Variants in ATM observed in about 807,000 individuals in gnomAD.
ATM encodes the protein ATM serine/threonine kinase.
Under a neutral mutation model 387.0 loss-of-function variants are expected in ATM, and 308 were observed. The ratio of observed to expected loss-of-function variants is 0.80; its 90% CI spans 0.73 to 0.87. The LOEUF is 0.87. ATM is among the 40% of genes least tolerant of loss of function. The probability of loss-of-function intolerance (pLI) is 0.00; values close to 1 mark genes in which losing one functional copy is unlikely to be tolerated. For missense variants in ATM, 3,312 were observed against 3,560.9 expected (o/e 0.93, Z 1.78); for synonymous variants, 1,156 against 1,187.3 (o/e 0.97, Z 0.54).
chr11:108,354,082 C>CACACACAT lies in ATM; in HGVS notation c.8786+209_8786+210insTACACACA, dbSNP rs1555143117. 2.7e-5 allele frequency among the ~76,000 whole-genome samples: 4 copies of CACACACAT among 150,410 alleles called. No individual in the cohort carries two copies. The East Asian group carries it at 7.7e-4, about 29-fold the overall frequency. ...ATACACACACACAAACACACACACACACACACACACACACACACACACACG... is the reference window on the plus strand; with the variant it reads ...ATACACACACACAAACACACACACACACACACATACACACACACACACACACACACACG... On this transcript the variant is annotated intron_variant, in intron 60 of 62. Coordinates refer to ENST00000675843, the MANE Select transcript of ATM (RefSeq NM_000051.4).
chr11:108,353,999 T>C, intron 60 of ATM, 119 bp downstream of exon 60: 1 of 1,018,958 alleles, frequency 9.8e-7, no homozygotes, highest in Non-Finnish European at 1.5e-6. Context: ...GAGGATTGTT[T>C]GAGCCCAGGA....
At position 108,235,782 on chromosome 11, in the gene ATM, C is replaced by T. The variant is rs1366705330; in HGVS notation, c.444C>T (p.Asp148=). 6.2e-7 allele frequency: 1 copy of T among 1,613,640 alleles called. No homozygotes were observed. The highest frequency in any genetic ancestry group is 1.3e-5 in the African/African-American group (1 of 74,890). Residue 148 remains aspartate (D), a synonymous_variant, in exon 5 of 63, where the codon GAC becomes GAT. Coordinates refer to ENST00000675843, the MANE Select transcript of ATM (RefSeq NM_000051.4). ...ATTGTAGCAACATACTACTCAAAGACATTCTTTCTGTGAGAAAATACTGGT... is the reference window on the plus strand; with the variant it reads ...ATTGTAGCAACATACTACTCAAAGATATTCTTTCTGTGAGAAAATACTGGT... ...GADCSNILLK[D]ILSVRKYWCE... is the part of the protein sequence containing the mutation.
chr11:108,303,746 T>G (rs2083541618), intron 36 of ATM, among the ~76,000 whole-genome samples: 1 of 152,198 alleles, frequency 6.6e-6, no homozygotes, highest in Non-Finnish European at 1.5e-5. Flanking sequence ...TCTGCAATAC[T>G]ACACCGCACT....
intron 4 of ATM, among the ~76,000 whole-genome samples, chr11:108,232,341 G>A (rs1309946798): frequency 6.6e-6 from 1 of 151,416 alleles, no homozygotes; most frequent in Non-Finnish European, 1.5e-5. Flanking sequence ...AGTTGTTTTT[G>A]TTTGTTTGTT....
At chr11:108,356,748 T>A (rs17107980) in intron 61 of ATM, among the ~76,000 whole-genome samples, 3,330 of 152,220 alleles carry the variant, frequency 0.022, 93 homozygotes, top group African/African-American at 0.069. Context: ...TCTTACTAGT[T>A]TAATGCCAAA....
intron 4 of ATM, among the ~76,000 whole-genome samples, chr11:108,234,866 G>A (rs228595): frequency 0.36 from 55,220 of 151,310 alleles, 11,303 homozygotes; most frequent in Middle Eastern, 0.63. Flanking sequence ...AACCTGAGGT[G>A]TTTGTATGCC....
intron 5 of ATM, among the ~76,000 whole-genome samples, chr11:108,243,485 C>T (rs1337318099): frequency 6.6e-6 from 1 of 151,910 alleles, no homozygotes; most frequent in Non-Finnish European, 1.5e-5. Flanking sequence ...TGGTTTTGTG[C>T]GCCTGTGGTC....
chr11:108,228,247 A>G (rs2135021344), intron 3 of ATM, among the ~76,000 whole-genome samples: 1 of 152,352 alleles, frequency 6.6e-6, no homozygotes, highest in Admixed American at 6.5e-5. Flanking sequence ...TCTGATTATA[A>G]GTAAATGCTG....
In ATM at chr11:108,279,523, G is replaced by A. The variant is rs2082117047; in HGVS notation, c.3317G>A (p.Arg1106Lys). ...CAGGACACGAAGGGAGATTCTTCCA[G>A]GTTACTGAAAGCACTTCCTTTGAAG... ...LFQDTKGDSS[R>K]LLKALPLKLQ... Residue 1106 changes from arginine to lysine, a missense_variant, in exon 23 of 63, where the codon AGG (arginine) becomes AAG (lysine). This residue lies in a region of ATM where 1,791 missense variants were observed against 1,804.5 expected (regional missense o/e 0.99). Coordinates refer to ENST00000675843, the MANE Select transcript of ATM (RefSeq NM_000051.4). 1 of 1,613,214 alleles carries A rather than the reference G, an allele frequency of 6.2e-7. No individual in the cohort carries two copies. Among genetic ancestry groups the A allele is most frequent in the South Asian group, 1.1e-5 (1 of 91,010 alleles).
At chr11:108,332,121 T>A (rs2136535749) in intron 52 of ATM, 84 bp downstream of exon 52, 1 of 1,533,110 alleles carries the variant, frequency 6.5e-7, no homozygotes, top group East Asian at 2.4e-5. Context: ...CTTGTGTTAT[T>A]AAGATGCCAT....
At chr11:108,349,940 G>A (rs1013424957) in intron 59 of ATM, among the ~76,000 whole-genome samples, 4 of 152,146 alleles carry the variant, frequency 2.6e-5, no homozygotes, top group African/African-American at 9.7e-5. Context: ...CAATAGGAAA[G>A]TCTTAAGCTG....
At position 108,311,060 on chromosome 11, in the gene ATM, C is replaced by T. The variant is rs540164923; in HGVS notation, c.5918+745C>T. 7.2e-5 allele frequency among the ~76,000 whole-genome samples: 11 copies of T among 152,224 alleles called. 1 individual carries two copies. The South Asian group carries it at 1.2e-3, about 17-fold the overall frequency. Reference sequence around the variant, plus strand: ...ATAGCTCACTGTAGCCTTGATCTTCCGGGCTCAAGTGATCCTCCTGCCTCA... The same window carrying T: ...ATAGCTCACTGTAGCCTTGATCTTCTGGGCTCAAGTGATCCTCCTGCCTCA... On this transcript the variant is annotated intron_variant, in intron 39 of 62. Coordinates refer to ENST00000675843, the MANE Select transcript of ATM (RefSeq NM_000051.4).
At position 108,325,424 on chromosome 11, in the gene ATM, C is replaced by G. The variant is rs1442555144; in HGVS notation, c.6687C>G (p.Val2229=). Residue 2229 remains valine (V), a synonymous_variant, in exon 46 of 63, where the codon GTC becomes GTG. Transcript: ENST00000675843. ...AGCCTATCATGGCTCTACGCACAGT[C>G]ATTTTGGAGATCCTGATGGAAAAGG... ...FQEPIMALRT[V]ILEILMEKEM... 6.2e-7 allele frequency: 1 copy of G among 1,613,678 alleles called. No homozygotes were observed. Among genetic ancestry groups the G allele is most frequent in the Non-Finnish European group, 8.5e-7 (1 of 1,179,800 alleles).
rs752478345 is a variant in ATM at position 108,317,393 on chromosome 11, C to G, written c.6219C>G (p.Leu2073=). Residue 2073 remains leucine (L), a synonymous_variant, in exon 43 of 63, where the codon CTC becomes CTG. Transcript: ENST00000675843. The part of the protein sequence containing the change: ...GIIQALQNLG[L]CHILSVYLKG... ...TTTAGGCCTTGCAGAATTTGGGACT[C>G]TGCCATATTCTTTCCGTCTATTTAA... 5.6e-6 allele frequency: 9 copies of G among 1,611,986 alleles called. No individual in the cohort carries two copies. In the South Asian group the frequency reaches 9.9e-5, roughly 18 times the overall value.
intron 37 of ATM, 31 bp from the exon 38 acceptor site, chr11:108,307,865 TG>T: frequency 6.4e-7 from 1 of 1,563,184 alleles, no homozygotes; most frequent in Non-Finnish European, 8.8e-7. Context: ...CAAGAATGCC[TG>T]GGACTGAGGG....
chr11:108,291,303 T>C (rs765989943), intron 29 of ATM, among the ~76,000 whole-genome samples: 26 of 152,236 alleles, frequency 1.7e-4, no homozygotes, highest in Non-Finnish European at 3.2e-4. Context: ...CTCTGATCTT[T>C]TCCATTGATT....
In ATM at chr11:108,244,886, TAGG is replaced by T. The variant is rs766716803; in HGVS notation, c.764_766del (p.Gly255del). 1 of 1,613,828 alleles carries T rather than the reference TAGG, an allele frequency of 6.2e-7. No homozygotes were observed. The highest frequency in any genetic ancestry group is 1.1e-5 in the South Asian group (1 of 91,072). On this transcript the variant is annotated inframe_deletion, in exon 7 of 63. Coordinates refer to ENST00000675843, the MANE Select transcript of ATM (RefSeq NM_000051.4). ...AACTTTCGAATTCGAGTGTGTGAAT[TAGG>T]AGATGAAATTCTTCCCACTTTGCTT... is the stretch of plus-strand genomic sequence containing the variant.
intron 61 of ATM, among the ~76,000 whole-genome samples, chr11:108,358,182 A>G (rs1244550734): frequency 6.6e-6 from 1 of 151,780 alleles, no homozygotes; most frequent in Non-Finnish European, 1.5e-5. Flanking sequence ...ATCAACTGGA[A>G]GAAAGGGTAT....
At chr11:108,354,004 C>A in intron 60 of ATM, 124 bp downstream of exon 60, 1 of 962,320 alleles carries the variant, frequency 1.0e-6, no homozygotes, top group Non-Finnish European at 1.6e-6. Context: ...TTGTTTGAGC[C>A]CAGGAGTTTG....
Sources: allele counts gnomAD v4.1 joint callset (sites outside exome capture counted in the v4.1 genomes callset), GRCh38; gene constraint gnomAD v4.1.1; regional missense constraint gnomAD v4.1.1; transcripts MANE v1.5; gene names NCBI Gene and HGNC (gene_info 2026-07-23, HGNC 2026-07-21).